SHROOM4: variants seen among roughly 807,000 people sequenced by gnomAD.
SHROOM4 encodes the protein protein Shroom4.
A neutral mutation model predicts 80.3 loss-of-function variants in SHROOM4; 17 were observed. The ratio of observed to expected loss-of-function variants is 0.21; its 90% CI spans 0.14 to 0.32. The LOEUF (loss-of-function observed/expected upper bound fraction) is 0.32. Ranked by LOEUF, SHROOM4 falls within the 10% of genes least tolerant of loss-of-function variation. The pLI is 1.00. For synonymous variants in SHROOM4, 400 were observed against 437.5 expected, an observed-to-expected ratio of 0.91 and a Z score of 1.07; for missense variants, 993 against 1,140.3, an observed-to-expected ratio of 0.87 and a Z score of 1.86.
chrX:50,778,332 C>T (rs903010162), intron 1 of SHROOM4, among the ~76,000 whole-genome samples: 1 of 112,168 alleles, frequency 8.9e-6, no homozygotes, highest in African/African-American at 3.2e-5. Flanking sequence ...ACGTAGTAGA[C>T]CCTCATTGCA....
chrX:50,598,366 T>C lies in SHROOM4; in HGVS notation c.4112A>G (p.Asp1371Gly). 1 of 1,210,947 alleles carries C rather than the reference T, an allele frequency of 8.3e-7. No homozygotes were observed. Among genetic ancestry groups the C allele is most frequent in the Non-Finnish European group, 1.1e-6 (1 of 895,304 alleles). The change falls in exon 8 of 9, where the codon GAC (aspartate) becomes GGC (glycine). Residue 1371 changes from aspartate (D) to glycine (G), a missense_variant. Physicochemically the swap from Asp to Gly is moderately conservative, Grantham distance 94. Transcript: ENST00000376020. ...CAACAGGTTGACCACTTTGTCCAGG[T>C]CCCCAACAAACAAGTGGTACTTTTC... ...EFEKYHLFVG[D>G]LDKVVNLLLS...
intron 1 of SHROOM4, among the ~76,000 whole-genome samples, chrX:50,813,286 G>T (rs1274600804): frequency 8.9e-6 from 1 of 111,815 alleles, no homozygotes; most frequent in Non-Finnish European, 1.9e-5. Context: ...CCGGCGCTGG[G>T]GCAGGACTCT....
In SHROOM4 at chrX:50,633,906, C is replaced by T. The variant is rs1026356196; in HGVS notation, c.2167G>A (p.Gly723Arg). ...EKAHAHCGVR[G>R]GHWRWSPEHN... ...TCTGGAGACCATCTCCAATGACCTCCACGGACTCCACAGTGAGCATGTGCT... is the reference window on the plus strand; with the variant it reads ...TCTGGAGACCATCTCCAATGACCTCTACGGACTCCACAGTGAGCATGTGCT... Residue 723 changes from glycine (G) to arginine (R), a missense_variant, in exon 4 of 9, where the codon GGA becomes AGA. Transcript: ENST00000376020. 8.3e-7 allele frequency: 1 copy of T among 1,211,661 alleles called. No individual in the cohort carries two copies. Among genetic ancestry groups the T allele is most frequent in the Non-Finnish European group, 1.1e-6 (1 of 895,509 alleles).
chrX:50,771,576 G>A (rs1170527271), intron 1 of SHROOM4, among the ~76,000 whole-genome samples: 2 of 111,725 alleles, frequency 1.8e-5, no homozygotes, highest in Admixed American at 1.9e-4. Context: ...GGTCTGCCAC[G>A]CCTCCTGCAA....
intron 1 of SHROOM4, among the ~76,000 whole-genome samples, chrX:50,737,994 A>T (rs1337408595): frequency 6.3e-5 from 7 of 111,634 alleles, no homozygotes; most frequent in African/African-American, 1.3e-4. Context: ...TCAAGTGGGC[A>T]TCATCCCTGG....
intron 1 of SHROOM4, among the ~76,000 whole-genome samples, chrX:50,805,810 T>C (rs1278735797): frequency 8.9e-6 from 1 of 111,783 alleles, no homozygotes; most frequent in Non-Finnish European, 1.9e-5. Context: ...AGAGATTCTG[T>C]CCATCACTGA....
At chrX:50,661,450 G>A (rs1263704981) in intron 2 of SHROOM4, among the ~76,000 whole-genome samples, 1 of 111,559 alleles carries the variant, frequency 9.0e-6, no homozygotes, top group Non-Finnish European at 1.9e-5. Context: ...TGCCCGCCTC[G>A]GCCTCCCAAA....
intron 2 of SHROOM4, among the ~76,000 whole-genome samples, chrX:50,656,437 G>A (rs1932307890): frequency 8.9e-6 from 1 of 111,901 alleles, no homozygotes; most frequent in South Asian, 3.7e-4. Flanking sequence ...TATATATGAT[G>A]TAGGATAAGA....
chrX:50,579,701 A>G, the SHROOM4 span, among the ~76,000 whole-genome samples: 5 of 111,647 alleles, frequency 4.5e-5, no homozygotes, highest in Admixed American at 9.5e-5. Context: ...AGGTTTAAAA[A>G]GAGGGGATTC....
intron 1 of SHROOM4, among the ~76,000 whole-genome samples, chrX:50,727,353 G>T (rs1352650555): frequency 1.8e-5 from 2 of 112,109 alleles, no homozygotes; most frequent in Non-Finnish European, 3.8e-5. Context: ...TAAGACTTTG[G>T]GGAATTGTTA....
At chrX:50,643,812 A>G (rs189152418) in intron 2 of SHROOM4, 1 of 112,855 alleles carries the variant, frequency 8.9e-6, no homozygotes, top group Admixed American at 9.3e-5. Context: ...AACTCAGGAA[A>G]GGAGCAAGGA....
chrX:50,657,401 C>A (rs1050922139), intron 2 of SHROOM4, among the ~76,000 whole-genome samples: 4 of 110,212 alleles, frequency 3.6e-5, no homozygotes, highest in Admixed American at 9.7e-5. Context: ...TCATATATAG[C>A]CTTATTGTGT....
intron 2 of SHROOM4, among the ~76,000 whole-genome samples, chrX:50,692,976 A>C (rs1229852126): frequency 9.0e-6 from 1 of 111,682 alleles, no homozygotes; most frequent in East Asian, 2.8e-4. Flanking sequence ...ATCTTGGGAG[A>C]AGATGATGAT....
intron 1 of SHROOM4, 109 bp downstream of exon 1, chrX:50,813,793 C>A: frequency 1.7e-6 from 1 of 571,739 alleles, no homozygotes; most frequent in East Asian, 3.6e-5. Context: ...CTTTCGCTCC[C>A]AGCCCTAAGT....
At chrX:50,717,791 G>C (rs1435956728) in intron 1 of SHROOM4, among the ~76,000 whole-genome samples, 1 of 112,032 alleles carries the variant, frequency 8.9e-6, no homozygotes, top group Non-Finnish European at 1.9e-5. Context: ...CCAGCACTGT[G>C]GGTAAGGAAA....
intron 1 of SHROOM4, among the ~76,000 whole-genome samples, chrX:50,743,534 C>A (rs1934711031): frequency 9.0e-6 from 1 of 110,758 alleles, no homozygotes; most frequent in Non-Finnish European, 1.9e-5. Flanking sequence ...TGGCTCACTG[C>A]AGCCTTAACC....
At chrX:50,782,729 A>C (rs1440602663) in intron 1 of SHROOM4, among the ~76,000 whole-genome samples, 2 of 112,183 alleles carry the variant, frequency 1.8e-5, no homozygotes, top group Non-Finnish European at 3.8e-5. Flanking sequence ...ATCTTAAGTA[A>C]ATTATGCTAA....
At chrX:50,741,455 A>T (rs1220198174) in intron 1 of SHROOM4, among the ~76,000 whole-genome samples, 1 of 111,336 alleles carries the variant, frequency 9.0e-6, no homozygotes, top group Non-Finnish European at 1.9e-5. Flanking sequence ...CATGATAAAA[A>T]TAATAGGTAA....
chrX:50,713,929 C>T, intron 1 of SHROOM4, among the ~76,000 whole-genome samples: 1 of 111,608 alleles, frequency 9.0e-6, no homozygotes, highest in East Asian at 2.8e-4. Context: ...GGTTTTTCTC[C>T]AGTTATTTTA....
Sources: gnomAD v4.1 joint callset for allele counts (sites outside exome capture counted in the v4.1 genomes callset) on GRCh38, gnomAD v4.1.1 for gene constraint, MANE v1.5 for transcripts, NCBI Gene and HGNC (gene_info 2026-07-23, HGNC 2026-07-21) for gene names.